Variants in PLAAT5 observed in about 807,000 individuals in gnomAD.
PLAAT5 encodes the protein phospholipase A and acyltransferase 5.
In PLAAT5, 27 loss-of-function variants were observed where a neutral mutation model predicts 27.8. The observed-to-expected ratio is 0.97, with a 90% CI of 0.72 to 1.34. The LOEUF is 1.34. Ranked by LOEUF, PLAAT5 falls within the 40% of genes most tolerant of loss-of-function variation. The pLI is 0.00. For synonymous variants in PLAAT5, 125 were observed against 136.1 expected, an observed-to-expected ratio of 0.92 and a Z score of 0.57; for missense variants, 368 against 343.8, an observed-to-expected ratio of 1.07 and a Z score of -0.56.
At position 63,490,326 on chromosome 11, in the gene PLAAT5, G is replaced by A; in HGVS notation, c.156C>T (p.Ser52=). Residue 52 remains serine (S), a synonymous_variant, in exon 2 of 6, where the codon TCC becomes TCT. Transcript: ENST00000540857. ...RRSAVPHSEE[S]VGFAALVQLP... ...GCTGGACCAACGCTGCGAATCCCAC[G>A]GATTCTTCTAATTCAAGGGGGGAAA... The A allele has an allele frequency of 3.1e-6, 5 of 1,614,082 alleles. No individual in the cohort carries two copies. Among genetic ancestry groups the A allele is most frequent in the Non-Finnish European group, 3.4e-6 (4 of 1,179,986 alleles).
At chr11:63,467,513 T>C (rs1203018685) in intron 4 of PLAAT5, among the ~76,000 whole-genome samples, 1 of 152,084 alleles carries the variant, frequency 6.6e-6, no homozygotes, top group Non-Finnish European at 1.5e-5. Flanking sequence ...GGATGACAGC[T>C]GAGAACAAGT....
intron 2 of PLAAT5, among the ~76,000 whole-genome samples, chr11:63,489,222 T>C (rs1320075998): frequency 6.6e-6 from 1 of 152,200 alleles, no homozygotes; most frequent in Non-Finnish European, 1.5e-5. Context: ...TATTTTTTAA[T>C]TTGCTAATAA....
chr11:63,472,246 A>G (rs1440496386), intron 3 of PLAAT5, among the ~76,000 whole-genome samples: 1 of 152,224 alleles, frequency 6.6e-6, no homozygotes, highest in East Asian at 1.9e-4. Context: ...AACAGCCATC[A>G]ATAAGGACCA....
rs1256930328 is a variant in PLAAT5 at position 63,466,158 on chromosome 11, A to G, written c.669T>C (p.Cys223=). ...ATCTGAGGCCATTGACAAAGTGCTC[A>G]CAGTTCCCTTCAATCAGGCTGTACT... ...IVQYSLIEGN[C]EHFVNGLRYG... The change falls in exon 5 of 6, where the codon TGT becomes TGC. Residue 223 remains cysteine (C), a synonymous_variant. Coordinates refer to ENST00000540857, the MANE Select transcript of PLAAT5 (RefSeq NM_001146729.2). The G allele has an allele frequency of 3.1e-6, 5 of 1,614,156 alleles. No homozygotes were observed. The highest frequency in any genetic ancestry group is 4.2e-6 in the Non-Finnish European group (5 of 1,180,022).
intron 3 of PLAAT5, chr11:63,470,891 G>A (rs2016007192): frequency 6.6e-6 from 1 of 152,060 alleles, no homozygotes; most frequent in African/African-American, 2.4e-5. Flanking sequence ...AAGTGAATAA[G>A]AGTATTTATT....
chr11:63,472,888 G>T (rs1419273312), intron 3 of PLAAT5, among the ~76,000 whole-genome samples: 1 of 152,004 alleles, frequency 6.6e-6, no homozygotes, highest in African/African-American at 2.4e-5. Flanking sequence ...TGGATCACTT[G>T]AGGCAAGGAA....
chr11:63,490,440 T>TAACCAGG, intron 1 of PLAAT5, 107 bp from the exon 2 acceptor site: 1 of 1,578,662 alleles, frequency 6.3e-7, no homozygotes, highest in Non-Finnish European at 8.6e-7. Flanking sequence ...GCATCGTGCC[T>TAACCAGG]GGCCCCTGGT....
At chr11:63,463,646 ACCCTC>A in intron 5 of PLAAT5, 51 bp from the exon 6 acceptor site, 1 of 1,402,670 alleles carries the variant, frequency 7.1e-7, no homozygotes, top group South Asian at 1.2e-5. Flanking sequence ...CTAGGCTTGC[ACCCTC>A]CCCTACCTCC....
chr11:63,486,738 A>C (rs1237585083), intron 3 of PLAAT5, among the ~76,000 whole-genome samples: 1 of 152,140 alleles, frequency 6.6e-6, no homozygotes, highest in Non-Finnish European at 1.5e-5. Flanking sequence ...GGATGCACTA[A>C]AATCTCAGAA....
At chr11:63,464,440 G>A (rs915895856) in intron 5 of PLAAT5, among the ~76,000 whole-genome samples, 2 of 151,972 alleles carry the variant, frequency 1.3e-5, no homozygotes, top group African/African-American at 4.8e-5. Context: ...TGTGGGTCAC[G>A]AGGTCAAGAG....
Position 63,491,114 on chromosome 11 carries a change from G to A in PLAAT5, c.-80C>T. The A allele has an allele frequency of 8.1e-7, 1 of 1,228,200 alleles. No individual in the cohort carries two copies. Among genetic ancestry groups the A allele is most frequent in the Non-Finnish European group, 1.1e-6 (1 of 950,584 alleles). 76.1% of individuals were successfully genotyped at this position (1,228,200 alleles called of 1,614,324 possible). ...CGAGTTCCCAGTCGGCGCGGCCCCTGGTCGGCGGAGCCGCGGAAGCTTGGG... is the reference window on the plus strand; with the variant it reads ...CGAGTTCCCAGTCGGCGCGGCCCCTAGTCGGCGGAGCCGCGGAAGCTTGGG... On this transcript the variant is annotated 5_prime_UTR_variant, in exon 1 of 6. Coordinates refer to ENST00000540857, the MANE Select transcript of PLAAT5 (RefSeq NM_001146729.2).
intron 3 of PLAAT5, among the ~76,000 whole-genome samples, chr11:63,469,145 T>TGTGTGTGTGTGTGTGTGA (rs377110717): frequency 1.6e-5 from 2 of 122,716 alleles, no homozygotes; most frequent in African/African-American, 5.9e-5. Flanking sequence ...TGTGTGTGTG[T>TGTGTGTGTGTGTGTGTGA]GAGAGAGAGA....
At chr11:63,472,118 G>A (rs1453628873) in intron 3 of PLAAT5, among the ~76,000 whole-genome samples, 1 of 151,986 alleles carries the variant, frequency 6.6e-6, no homozygotes, top group Non-Finnish European at 1.5e-5. Context: ...GTGATGGGTT[G>A]ATCTGTGCAC....
intron 3 of PLAAT5, chr11:63,471,027 G>C (rs1278987780): frequency 6.6e-6 from 1 of 152,174 alleles, no homozygotes; most frequent in East Asian, 1.9e-4. Flanking sequence ...TTGAACATCA[G>C]AGAATTTATG....
At chr11:63,471,209 A>G (rs1042228193) in intron 3 of PLAAT5, among the ~76,000 whole-genome samples, 1 of 152,250 alleles carries the variant, frequency 6.6e-6, no homozygotes, top group African/African-American at 2.4e-5. Context: ...GATTCACAGT[A>G]GAAAGAACTA....
intron 3 of PLAAT5, among the ~76,000 whole-genome samples, chr11:63,477,464 T>A (rs2016177948): frequency 6.6e-6 from 1 of 152,136 alleles, no homozygotes; most frequent in African/African-American, 2.4e-5. Context: ...TTAGAGTTTT[T>A]TTCTTGTTTT....
At chr11:63,476,414 C>G (rs2016152309) in intron 3 of PLAAT5, among the ~76,000 whole-genome samples, 1 of 152,086 alleles carries the variant, frequency 6.6e-6, no homozygotes, top group Non-Finnish European at 1.5e-5. Flanking sequence ...CACAAATTCT[C>G]TCATTCTCCA....
intron 3 of PLAAT5, among the ~76,000 whole-genome samples, chr11:63,477,756 A>G (rs2016186948): frequency 1.3e-5 from 2 of 152,186 alleles, no homozygotes. Flanking sequence ...TACAGGCGTG[A>G]GCCACAGTGC....
At chr11:63,490,069 A>C (rs1302327319) in intron 2 of PLAAT5, among the ~76,000 whole-genome samples, 174 bp downstream of exon 2, 1 of 152,204 alleles carries the variant, frequency 6.6e-6, no homozygotes, top group African/African-American at 2.4e-5. Context: ...AGCAGGTCCC[A>C]AGCCCAGTAC....
Sources: gnomAD v4.1 joint callset for allele counts (sites outside exome capture counted in the v4.1 genomes callset) on GRCh38, gnomAD v4.1.1 for gene constraint, MANE v1.5 for transcripts, NCBI Gene and HGNC (gene_info 2026-07-23, HGNC 2026-07-21) for gene names.